The following DEFB105A variants were observed in gnomAD, a reference collection of about 807,000 sequenced individuals.
The protein encoded by DEFB105A is defensin beta 105A.
For missense variants in DEFB105A, 2 were observed against 18.5 expected (o/e 0.11, Z 1.64); for synonymous variants, 2 against 6.6 (o/e 0.30, Z 1.06).
chr8:7,821,793 C>T lies in DEFB105A; in HGVS notation c.*215G>A, dbSNP rs2128922162. Among the ~76,000 whole-genome samples the T allele has an allele frequency of 7.7e-6, 1 of 129,990 alleles. No homozygotes were observed. Among genetic ancestry groups the T allele is most frequent in the South Asian group, 2.6e-4 (1 of 3,822 alleles). 85.3% of individuals were successfully genotyped at this position (129,990 alleles called of 152,430 possible). A position where few individuals can be genotyped will look rare whatever the true frequency, so the allele number is the denominator to read the frequency against. ...CAAGATCGAGCCACTGCACTCCAGC[C>T]TGGGCGACAGAGTGAGACTCCTTCT... On this transcript the variant is annotated 3_prime_UTR_variant, in exon 3 of 3. Coordinates refer to ENST00000334773, the MANE Select transcript of DEFB105A (RefSeq NM_152250.3).
Position 7,821,743 on chromosome 8 carries a change from C to T in DEFB105A, c.*265G>A, listed in dbSNP as rs1369710154. ...GCTGAAGCAGGAGAATTGCTTGAACCCGGGAGGTGGAGGTTGCAGTGAGCC... is the reference window on the plus strand; with the variant it reads ...GCTGAAGCAGGAGAATTGCTTGAACTCGGGAGGTGGAGGTTGCAGTGAGCC... On this transcript the variant is annotated 3_prime_UTR_variant, in exon 3 of 3. Transcript: ENST00000334773. 3.9e-5 allele frequency among the ~76,000 whole-genome samples: 5 copies of T among 127,146 alleles called. No individual in the cohort carries two copies. The highest frequency in any genetic ancestry group is 1.5e-4 in the African/African-American group (5 of 33,254). The allele number at this position is 127,146 out of a possible 152,430, so 83.4% of individuals were successfully genotyped here.
intron 2 of DEFB105A, 75 bp downstream of exon 2, chr8:7,823,307 C>CTCT: frequency 6.2e-7 from 1 of 1,609,680 alleles, no homozygotes; most frequent in African/African-American, 1.3e-5. Flanking sequence ...CTCTTTGCCT[C>CTCT]CAGACATCAG....
At position 7,821,752 on chromosome 8, in the gene DEFB105A, G is replaced by T; in HGVS notation, c.*256C>A. On this transcript the variant is annotated 3_prime_UTR_variant, in exon 3 of 3. Coordinates refer to ENST00000334773, the MANE Select transcript of DEFB105A (RefSeq NM_152250.3). ...GGAGAATTGCTTGAACCCGGGAGGT[G>T]GAGGTTGCAGTGAGCCAAGATCGAG... Among the ~76,000 whole-genome samples, 1 of 128,940 alleles carries T rather than the reference G, an allele frequency of 7.8e-6. No homozygotes were observed. The highest frequency in any genetic ancestry group is 1.7e-5 in the Non-Finnish European group (1 of 60,184). 84.6% of individuals were successfully genotyped at this position (128,940 alleles called of 152,430 possible).
rs1337888527 is a variant in DEFB105A at position 7,821,810 on chromosome 8, A to G, written c.*198T>C. Among the ~76,000 whole-genome samples the G allele has an allele frequency of 2.2e-5, 3 of 134,436 alleles. No individual in the cohort carries two copies. Among genetic ancestry groups the G allele is most frequent in the Non-Finnish European group, 4.8e-5 (3 of 62,388 alleles). The allele number at this position is 134,436 out of a possible 152,430, so 88.2% of individuals were successfully genotyped here. ...ACTCCAGCCTGGGCGACAGAGTGAG[A>G]CTCCTTCTCAAAAAAAAAAAAAAAG... On this transcript the variant is annotated 3_prime_UTR_variant, in exon 3 of 3. Coordinates refer to ENST00000334773, the MANE Select transcript of DEFB105A (RefSeq NM_152250.3).
rs1817292393 is a variant in DEFB105A, at chr8:7,821,408, T to A, written c.*600A>T. 6.6e-6 allele frequency among the ~76,000 whole-genome samples: 1 copy of A among 152,100 alleles called. No individual in the cohort carries two copies. The highest frequency in any genetic ancestry group is 2.1e-4 in the South Asian group (1 of 4,820). Reference sequence around the variant, plus strand: ...TAAAACCTACCTCATAAGGTAATCATGAGTCATATGAGAGAAGTATGGAAA... The same window carrying A: ...TAAAACCTACCTCATAAGGTAATCAAGAGTCATATGAGAGAAGTATGGAAA... On this transcript the variant is annotated 3_prime_UTR_variant, in exon 3 of 3. Transcript: ENST00000334773.
Position 7,822,027 on chromosome 8 carries a change from C to T in DEFB105A, c.218G>A (p.Cys73Tyr), listed in dbSNP as rs200757797. 0.028 allele frequency: 8,160 copies of T among 293,902 alleles called. 2 individuals are homozygous for T. The highest frequency in any genetic ancestry group is 0.065 in the East Asian group (336 of 5,202). The allele number at this position is 293,902 out of a possible 1,614,324, so 18.2% of individuals were successfully genotyped here. Residue 73 changes from cysteine to tyrosine, a missense_variant, in exon 3 of 3, where the codon TGC (cysteine) becomes TAC (tyrosine). Physicochemically the swap from Cys to Tyr is radical, Grantham distance 194. Transcript: ENST00000334773. ...GGTTTGTCAGATCCTCTGTCTGCAG[C>T]AGAGAAAGTTCAGCCTGCAATTTCC... Reference protein sequence around the residue: ...PDGNCRLNFLCCRQRI With the variant: ...PDGNCRLNFLYCRQRI
chr8:7,823,614 AT>A (rs1182132911), intron 1 of DEFB105A, among the ~76,000 whole-genome samples, 154 bp downstream of exon 1: 27 of 69,946 alleles, frequency 3.9e-4, no homozygotes, highest in African/African-American at 1.4e-3. Flanking sequence ...AAAAAAAAAA[AT>A]ACACTATATG....
Position 7,821,990 on chromosome 8 carries a change from G to A in DEFB105A, c.*18C>T. The A allele has an allele frequency of 3.9e-6, 1 of 254,356 alleles. No individual in the cohort carries two copies. Among genetic ancestry groups the A allele is most frequent in the Non-Finnish European group, 6.3e-6 (1 of 159,872 alleles). The allele number at this position is 254,356 out of a possible 1,614,324, so 15.8% of individuals were successfully genotyped here. Reference sequence around the variant, plus strand: ...TCCAGGTCTGCTTCTAAGGCCAGAAGTGTGCTGGTCTGGTTTGTCAGATCC... The same window carrying A: ...TCCAGGTCTGCTTCTAAGGCCAGAAATGTGCTGGTCTGGTTTGTCAGATCC... On this transcript the variant is annotated 3_prime_UTR_variant, in exon 3 of 3. Coordinates refer to ENST00000334773, the MANE Select transcript of DEFB105A (RefSeq NM_152250.3).
intron 1 of DEFB105A, 110 bp from the exon 2 acceptor site, chr8:7,823,533 TCA>T: frequency 9.9e-7 from 1 of 1,014,142 alleles, no homozygotes; most frequent in Non-Finnish European, 1.4e-6. Flanking sequence ...AGACAGTAGA[TCA>T]CAGAGTTGCA....
Position 7,821,431 on chromosome 8 carries a change from A to G in DEFB105A, c.*577T>C, listed in dbSNP as rs1817293472. On this transcript the variant is annotated 3_prime_UTR_variant, in exon 3 of 3. Transcript: ENST00000334773. Reference sequence around the variant, plus strand: ...CATGAGTCATATGAGAGAAGTATGGAAAATACTTCATAAATTGTAAGGTAC... The same window carrying G: ...CATGAGTCATATGAGAGAAGTATGGGAAATACTTCATAAATTGTAAGGTAC... 6.6e-6 allele frequency among the ~76,000 whole-genome samples: 1 copy of G among 151,858 alleles called. No individual in the cohort carries two copies.
intron 2 of DEFB105A, 113 bp downstream of exon 2, chr8:7,823,269 A>T: frequency 7.3e-7 from 1 of 1,379,078 alleles, no homozygotes; most frequent in East Asian, 2.3e-5. Context: ...TTTTCAGACA[A>T]TTCTATTTCT....
rs1349127145 is a variant in DEFB105A, at chr8:7,823,502, CA to C, written c.71-80del. ...ACTGTATAAAACACTCCCAACTTCA[CA>C]TGTGACATAGCATAACAGGAGACAG... On this transcript the variant is annotated intron_variant, in intron 1 of 2. Transcript: ENST00000334773. The C allele has an allele frequency of 3.1e-6, 4 of 1,298,472 alleles. No homozygotes were observed. In the African/African-American group the frequency reaches 4.9e-5, roughly 16 times the overall value. The allele number at this position is 1,298,472 out of a possible 1,614,324, so 80.4% of individuals were successfully genotyped here.
intron 2 of DEFB105A, among the ~76,000 whole-genome samples, chr8:7,823,042 AG>A (rs1817328780): frequency 8.4e-6 from 1 of 119,560 alleles, no homozygotes; most frequent in Non-Finnish European, 1.7e-5. Flanking sequence ...AGAGATGGGC[AG>A]GCGTGTTCAC....
intron 2 of DEFB105A, among the ~76,000 whole-genome samples, chr8:7,823,031 AAG>A (rs1374134421): frequency 1.7e-5 from 2 of 115,212 alleles, no homozygotes; most frequent in Non-Finnish European, 3.6e-5. Flanking sequence ...CAGAGCTTGC[AAG>A]AGATGGGCAG....
In DEFB105A at chr8:7,822,141, A is replaced by C; in HGVS notation, c.113-9T>G. 7.5e-6 allele frequency: 1 copy of C among 134,006 alleles called. No individual in the cohort carries two copies. 8.3% of individuals were successfully genotyped at this position (134,006 alleles called of 1,614,324 possible). A position where few individuals can be genotyped will look rare whatever the true frequency, so the allele number is the denominator to read the frequency against. On this transcript the variant is annotated splice_polypyrimidine_tract_variant and intron_variant, in intron 2 of 2. Transcript: ENST00000334773. ...ACAGACAGCAAACTCACCTGTGCCA[A>C]GAAAGAGCTGCTGAGGGAGCTTTCC...
chr8:7,823,348 G>GA, intron 2 of DEFB105A, 34 bp downstream of exon 2: 2 of 1,611,966 alleles, frequency 1.2e-6, no homozygotes, highest in Non-Finnish European at 1.7e-6. Flanking sequence ...GCTCCTAAGA[G>GA]AAAAAATAAT....
intron 1 of DEFB105A, among the ~76,000 whole-genome samples, 154 bp from the exon 2 acceptor site, chr8:7,823,577 CA>C (rs1229144297): frequency 5.6e-5 from 5 of 89,876 alleles, no homozygotes; most frequent in Admixed American, 1.3e-4. Flanking sequence ...GCCAGCATTC[CA>C]GGTAACCAGC....
rs1352356244 is a variant in DEFB105A at position 7,821,655 on chromosome 8, A to G, written c.*353T>C. On this transcript the variant is annotated 3_prime_UTR_variant, in exon 3 of 3. Coordinates refer to ENST00000334773, the MANE Select transcript of DEFB105A (RefSeq NM_152250.3). ...GCCAACATGGTGAAACCTCATCTCTAGTAAAAATACAAAAATTAGCCAGGC... is the reference window on the plus strand; with the variant it reads ...GCCAACATGGTGAAACCTCATCTCTGGTAAAAATACAAAAATTAGCCAGGC... 7.4e-6 allele frequency among the ~76,000 whole-genome samples: 1 copy of G among 134,724 alleles called. No homozygotes were observed. Among genetic ancestry groups the G allele is most frequent in the Non-Finnish European group, 1.6e-5 (1 of 62,910 alleles). The allele number at this position is 134,724 out of a possible 152,430, so 88.4% of individuals were successfully genotyped here.
Position 7,821,798 on chromosome 8 carries a change from C to T in DEFB105A, c.*210G>A, listed in dbSNP as rs867247515. On this transcript the variant is annotated 3_prime_UTR_variant, in exon 3 of 3. Coordinates refer to ENST00000334773, the MANE Select transcript of DEFB105A (RefSeq NM_152250.3). ...TCGAGCCACTGCACTCCAGCCTGGGCGACAGAGTGAGACTCCTTCTCAAAA... is the reference window on the plus strand; with the variant it reads ...TCGAGCCACTGCACTCCAGCCTGGGTGACAGAGTGAGACTCCTTCTCAAAA... 2.4e-5 allele frequency among the ~76,000 whole-genome samples: 3 copies of T among 126,020 alleles called. No homozygotes were observed. The highest frequency in any genetic ancestry group is 3.3e-5 in the Non-Finnish European group (2 of 60,134). 82.7% of individuals were successfully genotyped at this position (126,020 alleles called of 152,430 possible).
Sources: allele counts gnomAD v4.1 joint callset (sites outside exome capture counted in the v4.1 genomes callset), GRCh38; gene constraint gnomAD v4.1.1; transcripts MANE v1.5; gene names NCBI Gene and HGNC (gene_info 2026-07-23, HGNC 2026-07-21).